The following TRIO variants were observed in gnomAD, a reference collection of about 807,000 sequenced individuals.
TRIO encodes the protein trio Rho guanine nucleotide exchange factor, also known as triple functional domain protein.
TRIO carries 58 observed loss-of-function variants against 351.9 expected under a neutral mutation model. The ratio of observed to expected loss-of-function variants is 0.16; its 90% CI spans 0.13 to 0.21. The LOEUF is 0.21. Ranked by LOEUF, TRIO falls within the 10% of genes least tolerant of loss-of-function variation. The probability of loss-of-function intolerance (pLI) is 1.00; values close to 1 mark genes in which losing one functional copy is unlikely to be tolerated. For synonymous variants in TRIO, 1,758 were observed against 1,595.7 expected, an observed-to-expected ratio of 1.10 and a Z score of -2.42; for missense variants, 3,201 against 4,027.8, an observed-to-expected ratio of 0.79 and a Z score of 5.56.
chr5:14,362,154 A>AG (rs1338642300), intron 13 of TRIO, among the ~76,000 whole-genome samples: 3 of 152,224 alleles, frequency 2.0e-5, no homozygotes, highest in African/African-American at 7.2e-5. Flanking sequence ...CGAAGCACAG[A>AG]GGACAGTACA....
At chr5:14,310,647 C>T (rs955859662) in intron 8 of TRIO, among the ~76,000 whole-genome samples, 1 of 152,226 alleles carries the variant, frequency 6.6e-6, no homozygotes, top group Admixed American at 6.5e-5. Context: ...AAAACCACCT[C>T]TCCGTGATGT....
chr5:14,145,833 TGTC>T (rs1360993161), intron 1 of TRIO, among the ~76,000 whole-genome samples: 9 of 152,218 alleles, frequency 5.9e-5, no homozygotes, highest in African/African-American at 2.2e-4. Context: ...CTCCAGGAGT[TGTC>T]GTCTGCTCTT....
At chr5:14,507,421 A>G (rs1579865495) in intron 56 of TRIO, among the ~76,000 whole-genome samples, 161 bp downstream of exon 56, 1 of 127,436 alleles carries the variant, frequency 7.8e-6, no homozygotes, top group East Asian at 2.6e-4. Flanking sequence ...CTCTCTCTCT[A>G]AGCGTTTGCG....
At chr5:14,277,935 G>A (rs181164603) in intron 2 of TRIO, among the ~76,000 whole-genome samples, 1 of 152,316 alleles carries the variant, frequency 6.6e-6, no homozygotes, top group African/African-American at 2.4e-5. Context: ...AGGGAGATTA[G>A]CATGTGAAAA....
rs26173 is a variant in TRIO at position 14,479,829 on chromosome 5, G to A, written c.6244-90G>A. On this transcript the variant is annotated intron_variant, in intron 42 of 56. Coordinates refer to ENST00000344204, the MANE Select transcript of TRIO (RefSeq NM_007118.4). The stretch of plus-strand genomic sequence containing the variant: ...TTTTTCCTCGTTACTTTTACTGCCA[G>A]TGTTGTAGTCTTTCTGACAATTACA... 0.84 allele frequency: 953,924 copies of A among 1,132,248 alleles called. 402,800 individuals carry two copies. Among genetic ancestry groups the A allele is most frequent in the South Asian group, 0.86 (59,109 of 68,788 alleles). The allele number at this position is 1,132,248 out of a possible 1,614,324, so 70.1% of individuals were successfully genotyped here.
At chr5:14,465,300 C>A (rs1480975161) in intron 36 of TRIO, among the ~76,000 whole-genome samples, 1 of 152,156 alleles carries the variant, frequency 6.6e-6, no homozygotes, top group African/African-American at 2.4e-5. Flanking sequence ...TACATGACTG[C>A]GATTCAAATC....
chr5:14,164,803 G>A (rs1217287681), intron 1 of TRIO, among the ~76,000 whole-genome samples: 1 of 152,136 alleles, frequency 6.6e-6, no homozygotes, highest in Non-Finnish European at 1.5e-5. Flanking sequence ...TTTCATCATT[G>A]GAGTATCTGC....
chr5:14,321,983 G>GT (rs1283068868), intron 9 of TRIO, among the ~76,000 whole-genome samples: 2 of 152,158 alleles, frequency 1.3e-5, no homozygotes, highest in Non-Finnish European at 2.9e-5. Context: ...TCCATTAAAT[G>GT]TTTTTCCTTT....
In TRIO at chr5:14,381,207, C is replaced by T. The variant is rs769473633; in HGVS notation, c.3525C>T (p.Thr1175=). The change falls in exon 21 of 57, where the codon ACC becomes ACT. Residue 1175 remains threonine (T), a synonymous_variant. Coordinates refer to ENST00000344204, the MANE Select transcript of TRIO (RefSeq NM_007118.4). ...CCACGGGCTCCAGTATACAGCACAC[C>T]CAGGAGCTCCTGAAAGAGCACGAGG... ...HTSTGSSIQH[T]QELLKEHEEF... The T allele has an allele frequency of 6.2e-7, 1 of 1,613,928 alleles. No homozygotes were observed. Among genetic ancestry groups the T allele is most frequent in the South Asian group, 1.1e-5 (1 of 91,018 alleles).
Position 14,270,813 on chromosome 5 carries a change from T to C in TRIO, c.158-12T>C, listed in dbSNP as rs750954329. On this transcript the variant is annotated splice_polypyrimidine_tract_variant and intron_variant, in intron 1 of 56. Coordinates refer to ENST00000344204, the MANE Select transcript of TRIO (RefSeq NM_007118.4). ...CAACCCAGTAATTTTATTTTCTCCT[T>C]CTGTATTTCAGGGTTTCGAAAAAAC... 5 of 1,611,814 alleles carry C rather than the reference T, an allele frequency of 3.1e-6. No homozygotes were observed. The highest frequency in any genetic ancestry group is 4.2e-6 in the Non-Finnish European group (5 of 1,178,298).
At chr5:14,496,649 T>C (rs1756913783) in intron 49 of TRIO, among the ~76,000 whole-genome samples, 1 of 152,224 alleles carries the variant, frequency 6.6e-6, no homozygotes, top group South Asian at 2.1e-4. Flanking sequence ...AAATCAGTTA[T>C]CACAGGCACC....
intron 1 of TRIO, among the ~76,000 whole-genome samples, chr5:14,212,684 G>C (rs1477887909): frequency 6.6e-6 from 1 of 152,162 alleles, no homozygotes; most frequent in Non-Finnish European, 1.5e-5. Context: ...CCAAAATGGA[G>C]AACAAAGCAA....
At chr5:14,373,847 C>T (rs1455582890) in intron 18 of TRIO, among the ~76,000 whole-genome samples, 3 of 152,360 alleles carry the variant, frequency 2.0e-5, no homozygotes, top group Middle Eastern at 3.4e-3. Flanking sequence ...AATCCAGGCA[C>T]AGCCCAGCTG....
At chr5:14,265,655 C>T (rs544682841) in intron 1 of TRIO, among the ~76,000 whole-genome samples, 1 of 152,102 alleles carries the variant, frequency 6.6e-6, no homozygotes, top group African/African-American at 2.4e-5. Context: ...ACCAAGTGAG[C>T]GAGCATTCTG....
At chr5:14,363,371 AC>A (rs1324389874) in intron 13 of TRIO, among the ~76,000 whole-genome samples, 122 of 152,128 alleles carry the variant, frequency 8.0e-4, no homozygotes, top group Admixed American at 8.0e-3. Flanking sequence ...AGCTTCTCTT[AC>A]TATTTTTGAA....
chr5:14,351,440 GGCTTTCATACTTCCCCT>G (rs1554060731), intron 11 of TRIO, among the ~76,000 whole-genome samples: 2 of 152,164 alleles, frequency 1.3e-5, no homozygotes, highest in Non-Finnish European at 2.9e-5. Context: ...GGGAAGCTGT[GGCTTTCATACTTCCCCT>G]GCTGGCCCTA....
At chr5:14,218,931 C>T (rs1445559547) in intron 1 of TRIO, among the ~76,000 whole-genome samples, 3 of 152,224 alleles carry the variant, frequency 2.0e-5, no homozygotes, top group Non-Finnish European at 2.9e-5. Context: ...AACCCTTCTC[C>T]GGCTCTTACT....
At chr5:14,490,696 A>G in intron 48 of TRIO, 1 of 425,306 alleles carries the variant, frequency 2.4e-6, no homozygotes, top group South Asian at 1.6e-5. Flanking sequence ...TAAGCAGGAT[A>G]GACTTGAAAT....
intron 11 of TRIO, 54 bp downstream of exon 11, chr5:14,336,781 CTT>C (rs1198112645): frequency 8.8e-6 from 14 of 1,583,608 alleles, no homozygotes; most frequent in Non-Finnish European, 1.2e-5. Context: ...TCTTTGAACT[CTT>C]TTGGAGGAAC....
Sources: gnomAD v4.1 joint callset for allele counts (sites outside exome capture counted in the v4.1 genomes callset) on GRCh38, gnomAD v4.1.1 for gene constraint, MANE v1.5 for transcripts, NCBI Gene and HGNC (gene_info 2026-07-23, HGNC 2026-07-21) for gene names.